DRD2: variants seen among roughly 807,000 people sequenced by gnomAD.
DRD2 encodes the protein dopamine receptor D2.
A neutral mutation model predicts 38.0 loss-of-function variants in DRD2; 8 were observed. The ratio of observed to expected loss-of-function variants is 0.21; its 90% CI spans 0.12 to 0.38. DRD2 has a LOEUF of 0.38. Ranked by LOEUF, DRD2 falls within the 10% of genes least tolerant of loss-of-function variation. DRD2 has a pLI of 1.00. For missense variants in DRD2, 403 were observed against 607.7 expected (o/e 0.66, Z 3.54); for synonymous variants, 230 against 238.6 (o/e 0.96, Z 0.33).
At chr11:113,462,399 G>A (rs1381248049) in intron 1 of DRD2, among the ~76,000 whole-genome samples, 5 of 152,238 alleles carry the variant, frequency 3.3e-5, no homozygotes, top group Non-Finnish European at 5.9e-5. Context: ...GGTTCATTCT[G>A]GATTACAGTG....
chr11:113,422,757 C>T (rs937473832), intron 2 of DRD2, among the ~76,000 whole-genome samples: 2 of 152,100 alleles, frequency 1.3e-5, no homozygotes, highest in African/African-American at 2.4e-5. Flanking sequence ...GAACAGTAAG[C>T]GCACGAGCCC....
intron 1 of DRD2, among the ~76,000 whole-genome samples, chr11:113,442,369 G>C (rs1267598000): frequency 6.6e-6 from 1 of 152,212 alleles, no homozygotes; most frequent in Non-Finnish European, 1.5e-5. Flanking sequence ...AGGGGTAACT[G>C]AGTTGCTATT....
intron 2 of DRD2, among the ~76,000 whole-genome samples, chr11:113,419,446 GCACA>G (rs3060174): frequency 2.0e-4 from 27 of 133,396 alleles, no homozygotes; most frequent in African/African-American, 6.0e-4. Context: ...ATGCACACAG[GCACA>G]CACACACACA....
intron 1 of DRD2, among the ~76,000 whole-genome samples, chr11:113,461,002 G>A (rs1040278256): frequency 6.6e-6 from 1 of 152,224 alleles, no homozygotes; most frequent in Admixed American, 6.5e-5. Context: ...ACTTACTCAA[G>A]TCATTCAACA....
At chr11:113,434,425 G>T (rs991774908) in intron 1 of DRD2, among the ~76,000 whole-genome samples, 4 of 152,172 alleles carry the variant, frequency 2.6e-5, no homozygotes, top group African/African-American at 4.8e-5. Context: ...CTTCGTGAAG[G>T]GTACAATAGC....
At chr11:113,436,090 G>A (rs550940943) in intron 1 of DRD2, among the ~76,000 whole-genome samples, 7 of 152,098 alleles carry the variant, frequency 4.6e-5, no homozygotes, top group Non-Finnish European at 7.4e-5. Context: ...GGCTGACACC[G>A]GGGACCTTTC....
At chr11:113,454,755 A>G (rs1317046990) in intron 1 of DRD2, among the ~76,000 whole-genome samples, 1 of 152,246 alleles carries the variant, frequency 6.6e-6, no homozygotes, top group Non-Finnish European at 1.5e-5. Context: ...GTATCCACAT[A>G]CAATGGGATA....
chr11:113,426,148 A>C (rs1950939830), intron 1 of DRD2, among the ~76,000 whole-genome samples: 1 of 152,126 alleles, frequency 6.6e-6, no homozygotes, highest in South Asian at 2.1e-4. Flanking sequence ...CTAAACTGCA[A>C]GTCAATTTCA....
chr11:113,443,408 C>A (rs1432322898), intron 1 of DRD2, among the ~76,000 whole-genome samples: 1 of 152,140 alleles, frequency 6.6e-6, no homozygotes, highest in Non-Finnish European at 1.5e-5. Flanking sequence ...CTGGGGTATC[C>A]AGCGCATTTT....
At chr11:113,413,189 G>A in intron 6 of DRD2, 1 of 624,106 alleles carries the variant, frequency 1.6e-6, no homozygotes, top group South Asian at 1.6e-5. Flanking sequence ...TGTTAGCAAA[G>A]TGCCAGGTGC....
rs71653615 is a variant in DRD2 at position 113,410,823 on chromosome 11, C to T, written c.1236G>A (p.Thr412=). 4.8e-4 allele frequency: 776 copies of T among 1,614,034 alleles called. 1 individual carries two copies. The highest frequency in any genetic ancestry group is 6.3e-4 in the Non-Finnish European group (739 of 1,180,030). The change falls in exon 8 of 8, where the codon ACG becomes ACA. Residue 412 remains threonine (T), a synonymous_variant. Coordinates refer to ENST00000362072, the MANE Select transcript of DRD2 (RefSeq NM_000795.4). ...NIPPVLYSAF[T]WLGYVNSAVN... The stretch of plus-strand genomic sequence containing the variant: ...CGGCGCTGTTGACATAGCCCAGCCA[C>T]GTGAAGGCGCTGTACAGGACAGGCG...
intron 1 of DRD2, among the ~76,000 whole-genome samples, chr11:113,444,229 G>T (rs1431847290): frequency 6.6e-6 from 1 of 152,106 alleles, no homozygotes; most frequent in African/African-American, 2.4e-5. Flanking sequence ...TAGAGACAGG[G>T]TTTCACCATG....
rs200733424 is a variant in DRD2, at chr11:113,409,636, G to C, written c.*1091C>G. The C allele has an allele frequency of 3.1e-4, 47 of 152,744 alleles. No homozygotes were observed. The allele number at this position is 152,744 out of a possible 1,614,324, so 9.5% of individuals were successfully genotyped here. Reference sequence around the variant, plus strand: ...AAGGTGACTCGTCAAAGTTTTATTAGTTTGGTGCATGGATAGTGATGTTAC... The same window carrying C: ...AAGGTGACTCGTCAAAGTTTTATTACTTTGGTGCATGGATAGTGATGTTAC... On this transcript the variant is annotated 3_prime_UTR_variant, in exon 8 of 8. Coordinates refer to ENST00000362072, the MANE Select transcript of DRD2 (RefSeq NM_000795.4).
At chr11:113,423,967 G>T (rs1282330443) in intron 2 of DRD2, among the ~76,000 whole-genome samples, 1 of 152,146 alleles carries the variant, frequency 6.6e-6, no homozygotes, top group African/African-American at 2.4e-5. Context: ...TATGACCTAA[G>T]GAACTAACTC....
intron 1 of DRD2, among the ~76,000 whole-genome samples, chr11:113,457,389 A>G (rs1951277522): frequency 6.6e-6 from 1 of 152,210 alleles, no homozygotes. Context: ...TCTCTTGTTC[A>G]GTGCTGCTTT....
At chr11:113,453,932 T>G (rs981501014) in intron 1 of DRD2, among the ~76,000 whole-genome samples, 15 of 152,114 alleles carry the variant, frequency 9.9e-5, no homozygotes, top group African/African-American at 3.6e-4. Flanking sequence ...GTCCTTTTGA[T>G]GGGGGGCTGG....
At chr11:113,466,110 C>A (rs1228021506) in intron 1 of DRD2, among the ~76,000 whole-genome samples, 1 of 152,200 alleles carries the variant, frequency 6.6e-6, no homozygotes, top group Non-Finnish European at 1.5e-5. Flanking sequence ...GAACAAAGAT[C>A]TGATCCTGCA....
Position 113,415,657 on chromosome 11 carries a change from C to T in DRD2, c.533-46G>A, listed in dbSNP as rs199731353. 3.1e-5 allele frequency: 48 copies of T among 1,567,686 alleles called. No individual in the cohort carries two copies. The East Asian group carries it at 3.5e-4, about 12-fold the overall frequency. On this transcript the variant is annotated intron_variant, in intron 4 of 7. Transcript: ENST00000362072. ...GCAGGCAGGGAGTCAGCGGGCCCAC[C>T]GGCCATAATTCCACAAGAGCCCATT...
chr11:113,431,125 C>T (rs1950982907), intron 1 of DRD2, among the ~76,000 whole-genome samples: 1 of 152,208 alleles, frequency 6.6e-6, no homozygotes. Context: ...CTCCAAATCA[C>T]AATCCCCAGT....
Sources: allele counts gnomAD v4.1 joint callset (sites outside exome capture counted in the v4.1 genomes callset), GRCh38; gene constraint gnomAD v4.1.1; transcripts MANE v1.5; gene names NCBI Gene and HGNC (gene_info 2026-07-23, HGNC 2026-07-21).